Variants in ABHD12B observed in about 807,000 individuals in gnomAD.
ABHD12B encodes abhydrolase domain containing 12B.
A neutral mutation model predicts 50.4 loss-of-function variants in ABHD12B; 42 were observed. The observed-to-expected ratio is 0.83, with a 90% confidence interval of 0.65 to 1.08. The LOEUF (loss-of-function observed/expected upper bound fraction) is 1.08, where lower values mean the gene tolerates loss of function less well. Ranked by LOEUF, ABHD12B falls within the 50% of genes least tolerant of loss-of-function variation. ABHD12B has a pLI of 0.00. For synonymous variants in ABHD12B, 167 were observed against 160.3 expected (o/e 1.04, Z -0.32); for missense variants, 479 against 447.7 (o/e 1.07, Z -0.63).
intron 1 of ABHD12B, 82 bp from the exon 2 acceptor site, chr14:50,877,870 A>AAAT: frequency 1.4e-6 from 2 of 1,418,232 alleles, no homozygotes; most frequent in Non-Finnish European, 9.2e-7. Flanking sequence ...TCTGTCCAAA[A>AAAT]AAAAACAAAG....
At chr14:50,878,651 C>A in intron 2 of ABHD12B, 94 bp from the exon 3 acceptor site, 2 of 957,920 alleles carry the variant, frequency 2.1e-6, no homozygotes, top group Non-Finnish European at 3.2e-6. Flanking sequence ...AACTTAGAAG[C>A]CTGTTAACCT....
intron 9 of ABHD12B, among the ~76,000 whole-genome samples, chr14:50,900,235 C>T (rs2050247737): frequency 6.6e-6 from 1 of 152,102 alleles, no homozygotes; most frequent in Non-Finnish European, 1.5e-5. Context: ...GAGACCCTGT[C>T]TCAAAATAAA....
chr14:50,887,210 T>TTAAAAAAAA (rs1566488660), intron 8 of ABHD12B, among the ~76,000 whole-genome samples: 1 of 478 alleles, frequency 2.1e-3, no homozygotes, highest in African/African-American at 7.2e-3. Flanking sequence ...AGAGTCTGTC[T>TTAAAAAAAA]CAAAAAAAAA....
intron 1 of ABHD12B, among the ~76,000 whole-genome samples, chr14:50,873,866 G>C (rs758590389): frequency 1.5e-4 from 23 of 152,202 alleles, no homozygotes; most frequent in African/African-American, 5.5e-4. Flanking sequence ...GTGGGAGATA[G>C]GGAGTTGGGG....
At chr14:50,900,479 A>G (rs557980681) in intron 9 of ABHD12B, among the ~76,000 whole-genome samples, 5 of 152,346 alleles carry the variant, frequency 3.3e-5, no homozygotes, top group Middle Eastern at 3.4e-3. Flanking sequence ...TGATGGAGAA[A>G]CAGATAGAAG....
intron 5 of ABHD12B, among the ~76,000 whole-genome samples, chr14:50,883,060 C>T (rs2049981813): frequency 6.6e-6 from 1 of 151,962 alleles, no homozygotes; most frequent in East Asian, 1.9e-4. Flanking sequence ...TTGCTCTCCT[C>T]ACTCCCTGCT....
At chr14:50,899,321 T>C (rs1374403170) in intron 9 of ABHD12B, among the ~76,000 whole-genome samples, 1 of 152,254 alleles carries the variant, frequency 6.6e-6, no homozygotes, top group African/African-American at 2.4e-5. Context: ...CCCATTTCCT[T>C]ACCACATTCC....
chr14:50,896,473 A>C (rs1282833254), intron 9 of ABHD12B, among the ~76,000 whole-genome samples: 1 of 152,206 alleles, frequency 6.6e-6, no homozygotes, highest in Non-Finnish European at 1.5e-5. Context: ...AAGTAACTGA[A>C]GAATCACAAA....
At position 50,892,401 on chromosome 14, in the gene ABHD12B, TGGCCTGATTCA is replaced by T. The variant is rs546894021; in HGVS notation, c.780+3502_780+3512del. On this transcript the variant is annotated intron_variant, in intron 9 of 12. Transcript: ENST00000337334. The stretch of plus-strand genomic sequence containing the variant: ...CGTGACCTCAGGCAAAGTCTAGCTT[TGGCCTGATTCA>T]GGCGGGGTGCTAAGCTTTGAAGCAA... 3 of 985,344 alleles carry T rather than the reference TGGCCTGATTCA, an allele frequency of 3.0e-6. No homozygotes were observed. In the African/African-American group the frequency reaches 5.2e-5, roughly 17 times the overall value. 61.0% of individuals were successfully genotyped at this position (985,344 alleles called of 1,614,324 possible).
At chr14:50,892,625 T>C (rs72685326) in intron 9 of ABHD12B, 117,271 of 972,610 alleles carry the variant, frequency 0.12, 7,898 homozygotes, top group East Asian at 0.43. Flanking sequence ...TTCTGTGTTA[T>C]ATGGTTTCTA....
At chr14:50,881,188 A>G (rs1160587673) in intron 4 of ABHD12B, among the ~76,000 whole-genome samples, 1 of 152,120 alleles carries the variant, frequency 6.6e-6, no homozygotes, top group Non-Finnish European at 1.5e-5. Context: ...GGCCTGTATG[A>G]TTATGTTGGG....
chr14:50,887,190 C>T (rs1047517672), intron 8 of ABHD12B, among the ~76,000 whole-genome samples: 5 of 93,694 alleles, frequency 5.3e-5, no homozygotes, highest in East Asian at 7.4e-4. Context: ...CTAGCCTGGG[C>T]GACAGAGCAA....
intron 9 of ABHD12B, among the ~76,000 whole-genome samples, chr14:50,896,216 G>A (rs1435610609): frequency 6.6e-6 from 1 of 152,078 alleles, no homozygotes; most frequent in Non-Finnish European, 1.5e-5. Flanking sequence ...TCACTCACCT[G>A]CTACAGCATG....
At chr14:50,891,626 A>C (rs1400436148) in intron 9 of ABHD12B, 1 of 151,792 alleles carries the variant, frequency 6.6e-6, no homozygotes, top group Non-Finnish European at 1.5e-5. Context: ...TTATAATAAA[A>C]CTCTGCTTAC....
chr14:50,888,297 G>A (rs1283769917), intron 8 of ABHD12B, among the ~76,000 whole-genome samples: 3 of 150,436 alleles, frequency 2.0e-5, no homozygotes, highest in Admixed American at 1.3e-4. Flanking sequence ...TCTGCCTCCC[G>A]GGTTCAAGCG....
At position 50,878,773 on chromosome 14, in the gene ABHD12B, G is replaced by T. The variant is rs747489172; in HGVS notation, c.261G>T (p.Lys87Asn). The T allele has an allele frequency of 3.7e-6, 6 of 1,613,958 alleles. No individual in the cohort carries two copies. Among genetic ancestry groups the T allele is most frequent in the Non-Finnish European group, 4.2e-6 (5 of 1,179,836 alleles). The change falls in exon 3 of 13, where the codon AAG becomes AAT. Residue 87 changes from lysine (K) to asparagine (N), a missense_variant. Physicochemically the swap from Lys to Asn is moderately conservative, Grantham distance 94. Transcript: ENST00000337334. The part of the protein sequence containing the change: ...FFKAPFLVDL[K>N]KPELKIPHTV... ...AAGCCCCATTTCTTGTGGATTTAAA[G>T]AAACCAGAGTTAAAGATTCCTCACA...
intron 7 of ABHD12B, 107 bp downstream of exon 7, chr14:50,886,002 C>T: frequency 6.7e-7 from 1 of 1,485,354 alleles, no homozygotes; most frequent in South Asian, 1.2e-5. Context: ...AAGACAGGGA[C>T]TCTTTGCTGA....
chr14:50,881,138 G>A (rs571982325), intron 4 of ABHD12B, among the ~76,000 whole-genome samples: 1 of 152,310 alleles, frequency 6.6e-6, no homozygotes, highest in African/African-American at 2.4e-5. Flanking sequence ...CGTCTCCCAG[G>A]AGTCTGGCTC....
chr14:50,882,876 T>C (rs10131538), intron 5 of ABHD12B, among the ~76,000 whole-genome samples: 135,220 of 151,546 alleles, frequency 0.89, 60,625 homozygotes, highest in South Asian at 0.99. Flanking sequence ...GAGGCTGAGG[T>C]GAGAGGATTG....
Sources: allele counts gnomAD v4.1 joint callset (sites outside exome capture counted in the v4.1 genomes callset), GRCh38; gene constraint gnomAD v4.1.1; transcripts MANE v1.5; gene names NCBI Gene and HGNC (gene_info 2026-07-23, HGNC 2026-07-21).